Variants in EGF observed in about 807,000 individuals in gnomAD.
EGF encodes the protein pro-epidermal growth factor.
In EGF, 95 loss-of-function variants were observed where a neutral mutation model predicts 143.8. The ratio of observed to expected loss-of-function variants is 0.66; its 90% CI spans 0.56 to 0.78. The LOEUF (loss-of-function observed/expected upper bound fraction) is 0.78. EGF is among the 30% of genes least tolerant of loss of function. EGF has a pLI of 0.00. For missense variants in EGF, 1,320 were observed against 1,470.9 expected, an observed-to-expected ratio of 0.90 and a Z score of 1.68; for synonymous variants, 510 against 510.5, an observed-to-expected ratio of 1.00 and a Z score of 0.01.
chr4:110,004,507 C>G lies in EGF; in HGVS notation c.3176C>G (p.Thr1059Ser), dbSNP rs1272326215. 6.2e-7 allele frequency: 1 copy of G among 1,613,854 alleles called. No homozygotes were observed. Among genetic ancestry groups the G allele is most frequent in the Non-Finnish European group, 8.5e-7 (1 of 1,179,930 alleles). Residue 1059 changes from threonine to serine, a missense_variant and splice_region_variant, in exon 22 of 24, where the codon ACT becomes AGT. Thr to Ser is a moderately conservative substitution (Grantham distance 58). This residue lies in a region of EGF where 1,186 missense variants were observed against 1,313.7 expected (regional missense o/e 0.90). Coordinates refer to ENST00000265171, the MANE Select transcript of EGF (RefSeq NM_001963.6). ...LSLWGAHYYR[T>S]QKLLSKNPKN... ...CTCAAATTTTGGCTTTATCACAGGACTCAGAAGCTGCTATCGAAAAACCCA... is the reference window on the plus strand; with the variant it reads ...CTCAAATTTTGGCTTTATCACAGGAGTCAGAAGCTGCTATCGAAAAACCCA...
rs371512157 is a variant in EGF, at chr4:109,970,824, C to CAAAAAAAAAAAA, written c.1724+1716_1724+1727dup. Among the ~76,000 whole-genome samples the CAAAAAAAAAAAA allele has an allele frequency of 4.1e-3, 298 of 72,934 alleles. 21 individuals are homozygous for CAAAAAAAAAAAA. Among genetic ancestry groups the CAAAAAAAAAAAA allele is most frequent in the African/African-American group, 0.015 (281 of 18,176 alleles). 47.8% of individuals were successfully genotyped at this position (72,934 alleles called of 152,430 possible). The stretch of plus-strand genomic sequence containing the variant: ...TGGGTGGCAGAGCGAGACTCCGTCT[C>CAAAAAAAAAAAA]AAAAAAAAAAAAAAAAAAAAAATCT... On this transcript the variant is annotated intron_variant, in intron 11 of 23. Coordinates refer to ENST00000265171, the MANE Select transcript of EGF (RefSeq NM_001963.6).
chr4:109,968,724 C>G (rs1368949813), intron 10 of EGF: 5 of 478,694 alleles, frequency 1.0e-5, no homozygotes, highest in Non-Finnish European at 1.1e-5. Flanking sequence ...ACCTACCTAC[C>G]TACCTAATAA....
chr4:109,918,201 G>A (rs187560178), intron 1 of EGF, among the ~76,000 whole-genome samples: 2 of 150,768 alleles, frequency 1.3e-5, no homozygotes, highest in South Asian at 2.1e-4. Flanking sequence ...TAGAATAAAC[G>A]TTTACCTTTT....
chr4:109,964,975 G>C (rs558583794), intron 10 of EGF, among the ~76,000 whole-genome samples: 2 of 152,146 alleles, frequency 1.3e-5, no homozygotes, highest in South Asian at 4.2e-4. Context: ...TGAGGGAGGA[G>C]ATTCAATGAC....
chr4:109,990,426 TG>T (rs1750774334), intron 18 of EGF, among the ~76,000 whole-genome samples: 1 of 152,076 alleles, frequency 6.6e-6, no homozygotes, highest in African/African-American at 2.4e-5. Flanking sequence ...GGAAGGAGCA[TG>T]GGGGATAAGT....
chr4:109,978,588 A>C (rs1748861617), intron 13 of EGF, among the ~76,000 whole-genome samples: 1 of 152,122 alleles, frequency 6.6e-6, no homozygotes, highest in Admixed American at 6.6e-5. Context: ...GATGTGGGAG[A>C]GGAAATGAGA....
chr4:109,963,810 A>T (rs917073456), intron 9 of EGF, among the ~76,000 whole-genome samples: 7 of 152,194 alleles, frequency 4.6e-5, no homozygotes, highest in African/African-American at 1.4e-4. Flanking sequence ...TATCTCCTGA[A>T]GGTTCATTAT....
intron 1 of EGF, among the ~76,000 whole-genome samples, chr4:109,919,314 TCTCTCTCTC>T (rs1560623193): frequency 1.2e-3 from 172 of 146,372 alleles, no homozygotes; most frequent in African/African-American, 3.6e-3. Context: ...TCTCTCTCTC[TCTCTCTCTC>T]TCTCTCTCTC....
At chr4:110,008,312 C>CCACA (rs575333283) in intron 23 of EGF, 82 bp downstream of exon 23, 8 of 1,441,598 alleles carry the variant, frequency 5.5e-6, no homozygotes, top group Admixed American at 3.6e-5. Flanking sequence ...TCTCATTTAA[C>CCACA]CACACACACA....
At chr4:109,928,971 T>C (rs146141236) in intron 1 of EGF, among the ~76,000 whole-genome samples, 2,833 of 152,282 alleles carry the variant, frequency 0.019, 40 homozygotes, top group Admixed American at 0.03. Flanking sequence ...TTATTTTTTG[T>C]TTACAAATGC....
At chr4:109,957,284 G>T (rs752702622) in intron 5 of EGF, among the ~76,000 whole-genome samples, 1 of 152,096 alleles carries the variant, frequency 6.6e-6, no homozygotes, top group African/African-American at 2.4e-5. Context: ...ACCCCCTGAC[G>T]GATCAGGAGA....
intron 13 of EGF, among the ~76,000 whole-genome samples, chr4:109,976,911 G>A (rs1184473130): frequency 1.3e-5 from 2 of 152,160 alleles, no homozygotes; most frequent in Admixed American, 6.6e-5. Context: ...TTTAGTAGAG[G>A]GGCATTGAAT....
At chr4:109,999,212 A>G (rs2126172182) in intron 20 of EGF, among the ~76,000 whole-genome samples, 1 of 152,258 alleles carries the variant, frequency 6.6e-6, no homozygotes, top group East Asian at 1.9e-4. Context: ...TTCTGTTTAG[A>G]AACTGTACAC....
chr4:109,978,073 A>G (rs1404204022), intron 13 of EGF, among the ~76,000 whole-genome samples: 2 of 152,196 alleles, frequency 1.3e-5, no homozygotes, highest in Non-Finnish European at 2.9e-5. Context: ...TGTAAGTAAC[A>G]TTCCCATTAT....
In EGF at chr4:109,937,120, T is replaced by C. The variant is rs1409246826; in HGVS notation, c.128-3826T>C. 2.6e-5 allele frequency among the ~76,000 whole-genome samples: 4 copies of C among 152,172 alleles called. No individual in the cohort carries two copies. In the East Asian group the frequency reaches 7.7e-4, roughly 29 times the overall value. The stretch of plus-strand genomic sequence containing the variant: ...AATTTTCTTTCTCGTTGGTCTAATA[T>C]TGACAGTGGGGTGTTATTGTCTCCC... On this transcript the variant is annotated intron_variant, in intron 1 of 23. Transcript: ENST00000265171.
intron 21 of EGF, among the ~76,000 whole-genome samples, chr4:110,003,570 G>A (rs1752856682): frequency 6.6e-6 from 1 of 152,134 alleles, no homozygotes; most frequent in African/African-American, 2.4e-5. Context: ...ACAGAGGGTT[G>A]CATTCCTAGA....
At chr4:110,002,818 C>T (rs1752747044) in intron 21 of EGF, among the ~76,000 whole-genome samples, 1 of 152,178 alleles carries the variant, frequency 6.6e-6, no homozygotes, top group Admixed American at 6.5e-5. Flanking sequence ...TCCTCCCACC[C>T]TCCACCCTCA....
chr4:109,957,277 C>T (rs899559534), intron 5 of EGF, among the ~76,000 whole-genome samples: 1 of 152,136 alleles, frequency 6.6e-6, no homozygotes, highest in Non-Finnish European at 1.5e-5. Flanking sequence ...TTATCTGACC[C>T]CCTGACGGAT....
chr4:109,922,862 C>T (rs542114139), intron 1 of EGF, among the ~76,000 whole-genome samples: 8 of 151,658 alleles, frequency 5.3e-5, no homozygotes, highest in South Asian at 4.1e-4. Context: ...TCTTAGCTGA[C>T]GCAGTGAGTT....
Sources: gnomAD v4.1 joint callset for allele counts (sites outside exome capture counted in the v4.1 genomes callset) on GRCh38, gnomAD v4.1.1 for gene constraint, gnomAD v4.1.1 regional missense constraint, MANE v1.5 for transcripts, NCBI Gene and HGNC (gene_info 2026-07-23, HGNC 2026-07-21) for gene names.